Variants in AUTS2 observed in about 807,000 individuals in gnomAD.
AUTS2 encodes the protein autism susceptibility gene 2 protein.
Under a neutral mutation model 112.4 loss-of-function variants are expected in AUTS2, and 17 were observed. That is an observed-to-expected ratio of 0.15 (90% CI 0.10 to 0.23). The LOEUF (loss-of-function observed/expected upper bound fraction) is 0.23. Among genes scored for constraint, AUTS2 ranks in the 10% least tolerant of loss-of-function variants. AUTS2 has a pLI of 1.00. For missense variants in AUTS2, 1,510 were observed against 1,701.6 expected (o/e 0.89, Z 1.98); for synonymous variants, 751 against 702.7 (o/e 1.07, Z -1.09).
At chr7:70,496,316 ACAGT>A (rs1798500225) in intron 5 of AUTS2, among the ~76,000 whole-genome samples, 1 of 132,942 alleles carries the variant, frequency 7.5e-6, no homozygotes, top group Non-Finnish European at 1.6e-5. Context: ...CACCACGTAC[ACAGT>A]CACACACACG....
At chr7:70,704,588 A>G (rs1809638835) in intron 6 of AUTS2, among the ~76,000 whole-genome samples, 1 of 152,218 alleles carries the variant, frequency 6.6e-6, no homozygotes, top group Non-Finnish European at 1.5e-5. Flanking sequence ...TGATGTAGTT[A>G]GTATTTGGTT....
intron 2 of AUTS2, among the ~76,000 whole-genome samples, chr7:70,096,467 G>A (rs1250254536): frequency 2.0e-5 from 3 of 151,386 alleles, no homozygotes; most frequent in African/African-American, 4.9e-5. Context: ...GCATGGTGGC[G>A]GGCGCCTGTA....
intron 5 of AUTS2, among the ~76,000 whole-genome samples, chr7:70,624,946 G>A (rs549241620): frequency 2.6e-5 from 4 of 152,172 alleles, no homozygotes; most frequent in Admixed American, 1.3e-4. Flanking sequence ...GCAGGGAGGC[G>A]AATCCTGAGC....
intron 4 of AUTS2, among the ~76,000 whole-genome samples, chr7:70,259,136 A>G (rs1023819879): frequency 2.6e-5 from 4 of 152,118 alleles, no homozygotes; most frequent in Non-Finnish European, 5.9e-5. Flanking sequence ...TGAGTGGACA[A>G]TGAAGGCAAC....
intron 2 of AUTS2, among the ~76,000 whole-genome samples, chr7:70,016,831 C>T (rs957625330): frequency 4.6e-5 from 7 of 152,070 alleles, no homozygotes; most frequent in African/African-American, 1.4e-4. Context: ...CCACGCCTGG[C>T]TAATTTTTGT....
At position 70,631,424 on chromosome 7, in the gene AUTS2, G is replaced by A. The variant is rs1805251704; in HGVS notation, c.691-67145G>A. 6.6e-6 allele frequency among the ~76,000 whole-genome samples: 1 copy of A among 152,186 alleles called. No individual in the cohort carries two copies. Among genetic ancestry groups the A allele is most frequent in the Admixed American group, 6.5e-5 (1 of 15,280 alleles). On this transcript the variant is annotated intron_variant, in intron 5 of 18. Coordinates refer to ENST00000342771, the MANE Select transcript of AUTS2 (RefSeq NM_015570.4). This position sits in a 1 kb window ranked among gnomAD's most constrained non-coding sequence, Gnocchi z 4.5. The stretch of plus-strand genomic sequence containing the variant: ...GGCATGCTGCTCTGTGCGGGAAGAG[G>A]CTCGTTTCAGAGGAAGCGTCCAATG...
At chr7:70,358,236 C>T (rs1270563243) in intron 4 of AUTS2, among the ~76,000 whole-genome samples, 1 of 152,174 alleles carries the variant, frequency 6.6e-6, no homozygotes, top group Admixed American at 6.5e-5. Context: ...GATGGACAGA[C>T]CCAAATGGAG....
chr7:70,050,379 AT>A (rs1801698344), intron 2 of AUTS2, among the ~76,000 whole-genome samples: 2 of 149,042 alleles, frequency 1.3e-5, no homozygotes, highest in African/African-American at 5.0e-5. Flanking sequence ...AAAAAAAAAA[AT>A]TAGACTTTTC....
At chr7:70,187,587 C>G (rs1809670223) in intron 4 of AUTS2, among the ~76,000 whole-genome samples, 1 of 152,084 alleles carries the variant, frequency 6.6e-6, no homozygotes, top group Non-Finnish European at 1.5e-5. Context: ...CCTCAGTTTT[C>G]CATGAGGGAA....
intron 6 of AUTS2, among the ~76,000 whole-genome samples, chr7:70,717,122 C>T (rs1466839888): frequency 6.6e-6 from 1 of 151,740 alleles, no homozygotes; most frequent in Admixed American, 6.6e-5. Context: ...GCCTTGAACT[C>T]CTGGGCTCAA....
intron 2 of AUTS2, among the ~76,000 whole-genome samples, chr7:70,090,009 C>CAAATAAATAAAT (rs34279658): frequency 0.012 from 1,685 of 144,394 alleles, 14 homozygotes; most frequent in Middle Eastern, 0.029. Context: ...TGTTTCAAAA[C>CAAATAAATAAAT]AAATAAATAA....
chr7:69,772,875 C>T (rs1788726039), intron 1 of AUTS2, among the ~76,000 whole-genome samples: 1 of 152,156 alleles, frequency 6.6e-6, no homozygotes, highest in Non-Finnish European at 1.5e-5. Flanking sequence ...GAATTTACAG[C>T]CTAAGGCAAA....
chr7:70,619,244 G>GGGGCC (rs1056877514), intron 5 of AUTS2, among the ~76,000 whole-genome samples: 1 of 152,174 alleles, frequency 6.6e-6, no homozygotes, highest in African/African-American at 2.4e-5. Context: ...TGTTTTAATA[G>GGGGCC]GGGCCCGGTG....
intron 4 of AUTS2, among the ~76,000 whole-genome samples, chr7:70,301,054 A>G (rs1430143356): frequency 2.6e-5 from 4 of 152,212 alleles, no homozygotes; most frequent in Admixed American, 2.6e-4. Context: ...TTTGAACTTC[A>G]GGATAATTCT....
intron 4 of AUTS2, among the ~76,000 whole-genome samples, chr7:70,184,657 G>C (rs780540288): frequency 7.2e-5 from 11 of 152,006 alleles, no homozygotes; most frequent in Admixed American, 7.2e-4. Flanking sequence ...AAATTTTTAG[G>C]CTTCTTCAGC....
At chr7:69,624,794 A>G (rs1325770778) in intron 1 of AUTS2, among the ~76,000 whole-genome samples, 3 of 152,182 alleles carry the variant, frequency 2.0e-5, no homozygotes, top group African/African-American at 7.2e-5. Flanking sequence ...AGTATACCAG[A>G]GGCCTGTTTT....
intron 1 of AUTS2, among the ~76,000 whole-genome samples, chr7:69,651,034 T>C (rs1795264621): frequency 6.6e-6 from 1 of 152,314 alleles, no homozygotes; most frequent in East Asian, 1.9e-4. Context: ...AGGGATACTT[T>C]TTTAACCTGA....
intron 4 of AUTS2, among the ~76,000 whole-genome samples, chr7:70,389,792 T>G (rs1055233189): frequency 2.0e-5 from 3 of 152,156 alleles, no homozygotes; most frequent in African/African-American, 7.2e-5. Context: ...GGAGCCACTT[T>G]GTAGATTTGG....
chr7:70,006,504 A>AGGAGTGAAAAGCTGTTTCC (rs1385112421), intron 2 of AUTS2, among the ~76,000 whole-genome samples: 1 of 152,132 alleles, frequency 6.6e-6, no homozygotes, highest in Non-Finnish European at 1.5e-5. Flanking sequence ...TTGCTGTTGG[A>AGGAGTGAAAAGCTGTTTCC]GGAGTGAAAA....
Sources: gnomAD v4.1 joint callset for allele counts (sites outside exome capture counted in the v4.1 genomes callset) on GRCh38, gnomAD v4.1.1 for gene constraint, Gnocchi (gnomAD v3.1) non-coding constraint, MANE v1.5 for transcripts, NCBI Gene and HGNC (gene_info 2026-07-23, HGNC 2026-07-21) for gene names.